SLC23A2: variants seen among roughly 807,000 people sequenced by gnomAD.
The protein encoded by SLC23A2 is Na(+)/L-ascorbic acid transporter 2.
SLC23A2 carries 36 observed loss-of-function variants against 73.3 expected under a neutral mutation model. The observed-to-expected ratio is 0.49, with a 90% CI of 0.38 to 0.65. The LOEUF (loss-of-function observed/expected upper bound fraction) is 0.65. Ranked by LOEUF, SLC23A2 falls within the 30% of genes least tolerant of loss-of-function variation. SLC23A2 has a pLI of 0.00. For missense variants in SLC23A2, 507 were observed against 841.6 expected (o/e 0.60, Z 4.92); for synonymous variants, 343 against 327.3 (o/e 1.05, Z -0.52).
chr20:4,959,215 G>A (rs2087340354), intron 2 of SLC23A2, among the ~76,000 whole-genome samples: 1 of 142,886 alleles, frequency 7.0e-6, no homozygotes. Context: ...GCAAAACTCT[G>A]TCTCAAAAAA....
intron 1 of SLC23A2, among the ~76,000 whole-genome samples, chr20:5,008,071 G>A (rs554945870): frequency 7.9e-5 from 12 of 152,024 alleles, no homozygotes; most frequent in African/African-American, 2.4e-4. Flanking sequence ...CACCACACCC[G>A]GCTAATTTTT....
rs907815557 is a variant in SLC23A2 at position 4,884,921 on chromosome 20, T to C, written c.572-98A>G. 5 of 685,034 alleles carry C rather than the reference T, an allele frequency of 7.3e-6. No individual in the cohort carries two copies. In the African/African-American group the frequency reaches 9.3e-5, roughly 13 times the overall value. 42.4% of individuals were successfully genotyped at this position (685,034 alleles called of 1,614,324 possible). ...AGAAGAATTTTCTCCCTGTTTTTAT[T>C]ACATCTGTTTCAATCCCCATCCCTA... On this transcript the variant is annotated intron_variant, in intron 7 of 16. Transcript: ENST00000338244.
At chr20:4,984,779 T>C (rs963261335) in intron 1 of SLC23A2, among the ~76,000 whole-genome samples, 4 of 151,968 alleles carry the variant, frequency 2.6e-5, no homozygotes, top group African/African-American at 9.7e-5. Context: ...CACAGAGAAA[T>C]TGGAACCCTC....
chr20:4,904,713 C>G (rs1931874558), intron 4 of SLC23A2, among the ~76,000 whole-genome samples: 1 of 152,232 alleles, frequency 6.6e-6, no homozygotes, highest in African/African-American at 2.4e-5. Flanking sequence ...AGAGAAATGT[C>G]TGAAGACAGA....
Position 4,931,143 on chromosome 20 carries a change from A to T in SLC23A2, c.108+1312T>A, listed in dbSNP as rs529099482. On this transcript the variant is annotated intron_variant, in intron 3 of 16. Coordinates refer to ENST00000338244, the MANE Select transcript of SLC23A2 (RefSeq NM_005116.6). ...TTGAGCTCAAGCTCTCAAGTTCAAA[A>T]CCAGCCTGGGCAACATAAGGAGACC... is the stretch of plus-strand genomic sequence containing the variant. 2.0e-5 allele frequency among the ~76,000 whole-genome samples: 3 copies of T among 151,354 alleles called. No individual in the cohort carries two copies. The South Asian group carries it at 6.3e-4, about 32-fold the overall frequency.
intron 6 of SLC23A2, among the ~76,000 whole-genome samples, chr20:4,898,673 G>T (rs1931638028): frequency 6.6e-6 from 1 of 152,258 alleles, no homozygotes; most frequent in Non-Finnish European, 1.5e-5. Flanking sequence ...GAGGAGGTAG[G>T]AAGGTAGATA....
intron 3 of SLC23A2, among the ~76,000 whole-genome samples, chr20:4,930,401 T>C (rs1315274787): frequency 6.6e-6 from 1 of 152,204 alleles, no homozygotes; most frequent in South Asian, 2.1e-4. Context: ...TTTTTCATTA[T>C]AGGAAAAAAG....
rs1184059643 is a variant in SLC23A2, at chr20:4,883,769, C to T, written c.697G>A (p.Gly233Ser). The T allele has an allele frequency of 1.2e-6, 2 of 1,613,546 alleles. No individual in the cohort carries two copies. The highest frequency in any genetic ancestry group is 1.3e-5 in the African/African-American group (1 of 74,872). The change falls in exon 9 of 17, where the codon GGC (glycine) becomes AGC (serine). Residue 233 changes from glycine to serine, a missense_variant. Physicochemically the swap from Gly to Ser is moderately conservative, Grantham distance 56. Transcript: ENST00000338244. The surrounding 1 kb of genome is among the most constrained non-coding windows in gnomAD (Gnocchi z 4.5). ...SLIEVVIGLL[G>S]LPGALLKYIG... is the part of the protein sequence containing the mutation. ...TACTTCAGTAGAGCCCCAGGCAGGC[C>T]GAGGAGGCCGATGACTACTTCTATC...
intron 1 of SLC23A2, among the ~76,000 whole-genome samples, chr20:4,979,157 G>A (rs1398846419): frequency 2.0e-5 from 3 of 151,868 alleles, no homozygotes; most frequent in Non-Finnish European, 4.4e-5. Flanking sequence ...GCCAAGCGTG[G>A]TGGCGTGTGC....
intron 2 of SLC23A2, among the ~76,000 whole-genome samples, chr20:4,968,480 C>T (rs1021136866): frequency 6.6e-6 from 1 of 152,128 alleles, no homozygotes; most frequent in East Asian, 1.9e-4. Context: ...AGCAGTCGTC[C>T]ACCACAGGAT....
chr20:4,875,975 T>C (rs1930638839), intron 9 of SLC23A2, among the ~76,000 whole-genome samples: 2 of 152,192 alleles, frequency 1.3e-5, no homozygotes, highest in Non-Finnish European at 2.9e-5. Flanking sequence ...CTGGAGAACA[T>C]GCGTGTGTTG....
At chr20:4,958,167 G>A (rs1403144964) in intron 2 of SLC23A2, among the ~76,000 whole-genome samples, 1 of 152,196 alleles carries the variant, frequency 6.6e-6, no homozygotes, top group African/African-American at 2.4e-5. Context: ...AGGGTTAGTG[G>A]TAAAGCATCA....
intron 2 of SLC23A2, among the ~76,000 whole-genome samples, chr20:4,939,704 C>T (rs1326204181): frequency 6.6e-6 from 1 of 152,068 alleles, no homozygotes; most frequent in Non-Finnish European, 1.5e-5. Context: ...GCCCCTAAAG[C>T]CAAAGACATT....
intron 1 of SLC23A2, among the ~76,000 whole-genome samples, chr20:4,986,695 T>G (rs2087836143): frequency 2.7e-5 from 2 of 72,802 alleles, no homozygotes; most frequent in East Asian, 7.1e-4. Context: ...CACACAGAGA[T>G]GAATATAAAT....
chr20:4,952,103 CAA>C (rs57832305), intron 2 of SLC23A2, among the ~76,000 whole-genome samples: 5 of 40,524 alleles, frequency 1.2e-4, no homozygotes, highest in African/African-American at 2.3e-4. Context: ...GACTCTGACT[CAA>C]AAAAAAAAAA....
rs183950339 is a variant in SLC23A2, at chr20:4,982,283, G to A, written c.-281-11364C>T. Among the ~76,000 whole-genome samples, 135 of 152,318 alleles carry A rather than the reference G, an allele frequency of 8.9e-4. No individual in the cohort carries two copies. The Middle Eastern group carries it at 0.014, about 15-fold the overall frequency. ...ACTGGGATTACAGGCGTGAGCCACC[G>A]TGCCCGGACGATGGCAATTTCTTAA... On this transcript the variant is annotated intron_variant, in intron 1 of 16. Coordinates refer to ENST00000338244, the MANE Select transcript of SLC23A2 (RefSeq NM_005116.6).
rs112094060 is a variant in SLC23A2, at chr20:4,878,924, C to G, written c.825-4228G>C. ...GGCAAGTCACCATCCCCTCTCCTCT[C>G]TGATCTTTTTGGTATGGGTCCACAT... On this transcript the variant is annotated intron_variant, in intron 9 of 16. Transcript: ENST00000338244. Among the ~76,000 whole-genome samples, 493 of 152,318 alleles carry G rather than the reference C, an allele frequency of 3.2e-3. 5 individuals are homozygous for G. The highest frequency in any genetic ancestry group is 0.011 in the African/African-American group (471 of 41,556).
chr20:4,955,716 G>A (rs932173296), intron 2 of SLC23A2, among the ~76,000 whole-genome samples: 3 of 152,070 alleles, frequency 2.0e-5, no homozygotes, highest in African/African-American at 7.2e-5. Context: ...CTTGAGCGTG[G>A]AGGTCGAGGC....
intron 12 of SLC23A2, 167 bp downstream of exon 12, chr20:4,869,739 A>G: frequency 1.8e-6 from 1 of 559,684 alleles, no homozygotes; most frequent in Non-Finnish European, 3.2e-6. Context: ...TGTATCAGAC[A>G]GTCGAAAGTA....
Sources: gnomAD v4.1 joint callset for allele counts (sites outside exome capture counted in the v4.1 genomes callset) on GRCh38, gnomAD v4.1.1 for gene constraint, Gnocchi (gnomAD v3.1) non-coding constraint, MANE v1.5 for transcripts, NCBI Gene and HGNC (gene_info 2026-07-23, HGNC 2026-07-21) for gene names.